Variants in MCF2L2 observed in about 807,000 individuals in gnomAD.
MCF2L2 encodes the protein probable guanine nucleotide exchange factor MCF2L2.
A neutral mutation model predicts 150.2 loss-of-function variants in MCF2L2; 102 were observed. The ratio of observed to expected loss-of-function variants is 0.68; its 90% confidence interval spans 0.58 to 0.80. The LOEUF is 0.80. Among genes scored for constraint, MCF2L2 ranks in the 30% least tolerant of loss-of-function variants. The pLI is 0.00. For missense variants in MCF2L2, 1,256 were observed against 1,372.8 expected (o/e 0.91, Z 1.34); for synonymous variants, 465 against 491.3 (o/e 0.95, Z 0.71).
chr3:183,340,185 C>A (rs1207614929), intron 4 of MCF2L2, among the ~76,000 whole-genome samples: 1 of 152,174 alleles, frequency 6.6e-6, no homozygotes, highest in African/African-American at 2.4e-5. Flanking sequence ...TTTGTTGTGC[C>A]AAGACGGAAA....
intron 3 of MCF2L2, among the ~76,000 whole-genome samples, chr3:183,358,966 C>T (rs9882117): frequency 0.2 from 30,001 of 151,264 alleles, 3,886 homozygotes; most frequent in African/African-American, 0.36. Flanking sequence ...AAAGATAAAG[C>T]ATCTGCTGAT....
chr3:183,182,805 T>C (rs1721575124), intron 27 of MCF2L2: 1 of 152,302 alleles, frequency 6.6e-6, no homozygotes, highest in African/African-American at 2.4e-5. Flanking sequence ...GCAAAGCCCC[T>C]GGTTCTCTGC....
At chr3:183,425,308 G>C (rs895008459) in intron 1 of MCF2L2, among the ~76,000 whole-genome samples, 2 of 152,140 alleles carry the variant, frequency 1.3e-5, no homozygotes, top group African/African-American at 4.8e-5. Context: ...ACCCCTGCTG[G>C]AGGAGAAAGT....
chr3:183,320,763 TG>T (rs1729777641), intron 6 of MCF2L2, among the ~76,000 whole-genome samples: 2 of 152,226 alleles, frequency 1.3e-5, no homozygotes, highest in African/African-American at 4.8e-5. Context: ...ACTTTTCCTT[TG>T]CATTCACAAC....
intron 15 of MCF2L2, chr3:183,272,571 T>G (rs1032053428): frequency 9.1e-6 from 9 of 992,570 alleles, no homozygotes; most frequent in Non-Finnish European, 1.1e-5. Context: ...CTTAGATAAT[T>G]TAGAATTTTT....
At chr3:183,395,637 G>A (rs1006902050) in intron 1 of MCF2L2, among the ~76,000 whole-genome samples, 2 of 152,026 alleles carry the variant, frequency 1.3e-5, no homozygotes, top group African/African-American at 4.8e-5. Flanking sequence ...TGGAATATTC[G>A]GCGGGGTGCA....
At chr3:183,222,560 G>C (rs1278304846) in intron 20 of MCF2L2, among the ~76,000 whole-genome samples, 2 of 152,024 alleles carry the variant, frequency 1.3e-5, no homozygotes, top group African/African-American at 2.4e-5. Context: ...AAAAAAGAAA[G>C]AAAGAAAGAA....
intron 7 of MCF2L2, among the ~76,000 whole-genome samples, chr3:183,314,720 T>C (rs2108512439): frequency 6.6e-6 from 1 of 151,274 alleles, no homozygotes; most frequent in African/African-American, 2.4e-5. Flanking sequence ...TTCACTGTAC[T>C]GAAGAATGAA....
At chr3:183,193,788 A>G (rs1338067655) in intron 26 of MCF2L2, among the ~76,000 whole-genome samples, 2 of 152,216 alleles carry the variant, frequency 1.3e-5, no homozygotes, top group Non-Finnish European at 2.9e-5. Flanking sequence ...CAGTGAATAA[A>G]CACCTACTAA....
intron 5 of MCF2L2, among the ~76,000 whole-genome samples, chr3:183,329,714 C>T (rs1730190528): frequency 1.3e-5 from 2 of 152,246 alleles, no homozygotes; most frequent in African/African-American, 4.8e-5. Flanking sequence ...TCATGTGTCA[C>T]TTAATGACAG....
intron 3 of MCF2L2, among the ~76,000 whole-genome samples, chr3:183,365,335 C>G (rs1428864793): frequency 2.0e-5 from 3 of 151,916 alleles, no homozygotes; most frequent in Non-Finnish European, 2.9e-5. Flanking sequence ...TTTTATGAAG[C>G]TAGACAAATA....
intron 22 of MCF2L2, among the ~76,000 whole-genome samples, chr3:183,213,879 G>A (rs957405765): frequency 6.6e-6 from 1 of 152,178 alleles, no homozygotes. Context: ...TGATGTATTA[G>A]ATGTAAAAGT....
intron 22 of MCF2L2, among the ~76,000 whole-genome samples, chr3:183,214,872 G>A (rs1486106784): frequency 6.6e-6 from 1 of 151,934 alleles, no homozygotes; most frequent in African/African-American, 2.4e-5. Flanking sequence ...GCAAGTGCCT[G>A]TAGTCCCAGC....
intron 1 of MCF2L2, among the ~76,000 whole-genome samples, chr3:183,412,958 C>T (rs1218448888): frequency 6.6e-6 from 1 of 152,134 alleles, no homozygotes; most frequent in Non-Finnish European, 1.5e-5. Flanking sequence ...TGTCAAATGA[C>T]CTTTCTGCCT....
intron 25 of MCF2L2, among the ~76,000 whole-genome samples, chr3:183,195,628 G>A (rs912179742): frequency 3.3e-5 from 5 of 152,146 alleles, no homozygotes; most frequent in African/African-American, 1.2e-4. Flanking sequence ...AAAAAATCAT[G>A]AGTCCCTGGG....
intron 5 of MCF2L2, among the ~76,000 whole-genome samples, chr3:183,326,779 C>CA: frequency 6.6e-6 from 1 of 152,092 alleles, no homozygotes; most frequent in Non-Finnish European, 1.5e-5. Flanking sequence ...AAGCAAGATG[C>CA]AAAACTGTCC....
At chr3:183,328,520 GAAAA>G (rs80324258) in intron 5 of MCF2L2, among the ~76,000 whole-genome samples, 1 of 136,180 alleles carries the variant, frequency 7.3e-6, no homozygotes, top group Non-Finnish European at 1.6e-5. Flanking sequence ...TGCTTGGTGT[GAAAA>G]AAAAAAAAAA....
intron 27 of MCF2L2, among the ~76,000 whole-genome samples, chr3:183,180,764 G>C (rs1162285860): frequency 6.6e-6 from 1 of 152,234 alleles, no homozygotes; most frequent in Non-Finnish European, 1.5e-5. Context: ...GTGCCTGGTG[G>C]TATGTTAGGC....
At chr3:183,388,729 T>C (rs538648293) in intron 2 of MCF2L2, among the ~76,000 whole-genome samples, 47 of 152,248 alleles carry the variant, frequency 3.1e-4, no homozygotes, top group African/African-American at 1.1e-3. Flanking sequence ...TTGTGTAAGA[T>C]GTGGTCACCC....
Sources: gnomAD v4.1 joint callset for allele counts (sites outside exome capture counted in the v4.1 genomes callset) on GRCh38, gnomAD v4.1.1 for gene constraint, MANE v1.5 for transcripts, NCBI Gene and HGNC (gene_info 2026-07-23, HGNC 2026-07-21) for gene names.